BICD2: variants seen among roughly 807,000 people sequenced by gnomAD.
The protein encoded by BICD2 is BICD cargo adaptor 2.
BICD2 carries 25 observed loss-of-function variants against 72.9 expected under a neutral mutation model. The observed-to-expected ratio is 0.34, with a 90% CI of 0.25 to 0.48. The LOEUF is 0.48. Among genes scored for constraint, BICD2 ranks in the 20% least tolerant of loss-of-function variants. The pLI, the probability that BICD2 is intolerant of heterozygous loss-of-function variation, is 0.99. For missense variants in BICD2, 894 were observed against 1,175.2 expected (o/e 0.76, Z 3.50); for synonymous variants, 501 against 516.1 (o/e 0.97, Z 0.40).
intron 1 of BICD2, among the ~76,000 whole-genome samples, chr9:92,748,654 T>C (rs1481666006): frequency 6.6e-6 from 1 of 152,072 alleles, no homozygotes; most frequent in East Asian, 1.9e-4. Flanking sequence ...CTCAGCCAGC[T>C]CTTCCCATCC....
At chr9:92,753,920 G>A (rs1048961562) in intron 1 of BICD2, among the ~76,000 whole-genome samples, 15 of 151,510 alleles carry the variant, frequency 9.9e-5, no homozygotes, top group East Asian at 3.9e-4. Flanking sequence ...TGAGACAGGC[G>A]GATCACGAGG....
rs1331269686 is a variant in BICD2 at position 92,719,513 on chromosome 9, C to A, written c.1132G>T (p.Gly378Cys). 1.9e-6 allele frequency: 3 copies of A among 1,613,538 alleles called. No individual in the cohort carries two copies. Among genetic ancestry groups the A allele is most frequent in the African/African-American group, 1.3e-5 (1 of 74,956 alleles). ...DTQKQLEHTRGSLSEQQEKVT... is the reference protein window; with the variant it reads ...DTQKQLEHTRCSLSEQQEKVT... ...TTCTCCTGCTGTTCTGACAGGGAGC[C>A]CCGCGTGTGCTCCAGCTGCTTCTGT... Residue 378 changes from glycine (G) to cysteine (C), a missense_variant, in exon 5 of 7, where the codon GGC becomes TGC. Transcript: ENST00000356884.
intron 1 of BICD2, among the ~76,000 whole-genome samples, chr9:92,751,220 G>A (rs867772569): frequency 2.0e-5 from 3 of 150,972 alleles, no homozygotes; most frequent in South Asian, 2.1e-4. Context: ...GTACAATCTC[G>A]GCTCACTGCA....
At chr9:92,744,923 G>GC (rs1853978198) in intron 1 of BICD2, among the ~76,000 whole-genome samples, 1 of 152,052 alleles carries the variant, frequency 6.6e-6, no homozygotes, top group African/African-American at 2.4e-5. Flanking sequence ...ATACACACAT[G>GC]CACTTAAAAT....
rs193293678 is a variant in BICD2, at chr9:92,749,948, G to A, written c.240+14557C>T. On this transcript the variant is annotated intron_variant, in intron 1 of 6. Coordinates refer to ENST00000356884, the MANE Select transcript of BICD2 (RefSeq NM_001003800.2). The stretch of plus-strand genomic sequence containing the variant: ...GGAGGATGGCACAGTGGGCACAGCA[G>A]TCTGGGCCAGGCTGGGCTGAAAGCC... Among the ~76,000 whole-genome samples the A allele has an allele frequency of 2.2e-3, 337 of 152,382 alleles. 4 individuals carry two copies. Among genetic ancestry groups the A allele is most frequent in the Non-Finnish European group, 2.9e-4 (20 of 68,038 alleles).
chr9:92,759,453 C>T (rs1238528559), intron 1 of BICD2, among the ~76,000 whole-genome samples: 1 of 152,212 alleles, frequency 6.6e-6, no homozygotes, highest in African/African-American at 2.4e-5. Context: ...GTGACCTCCT[C>T]CTAACCCTAA....
rs1400779760 is a variant in BICD2 at position 92,720,547 on chromosome 9, TAGA to T, written c.812_814del (p.Phe271del). On this transcript the variant is annotated inframe_deletion, in exon 4 of 7. Coordinates refer to ENST00000356884, the MANE Select transcript of BICD2 (RefSeq NM_001003800.2). The surrounding 1 kb of genome is among the most constrained non-coding windows in gnomAD (Gnocchi z 5.4). Reference sequence around the variant, plus strand: ...CAGCGAGACATGCAGGTGGCTGGTGTAGAAGGAGTCATTGATGCTCATGTAGTG... The same window carrying T: ...CAGCGAGACATGCAGGTGGCTGGTGTAGGAGTCATTGATGCTCATGTAGTG... 4 of 1,614,172 alleles carry T rather than the reference TAGA, an allele frequency of 2.5e-6. No homozygotes were observed. Among genetic ancestry groups the T allele is most frequent in the Non-Finnish European group, 2.5e-6 (3 of 1,180,028 alleles).
At chr9:92,722,260 CAGACA>C (rs1853477976) in intron 3 of BICD2, among the ~76,000 whole-genome samples, 1 of 152,168 alleles carries the variant, frequency 6.6e-6, no homozygotes, top group South Asian at 2.1e-4. Flanking sequence ...ATCCCCGTCA[CAGACA>C]GAGAGGACCT....
chr9:92,731,672 G>A (rs534121858), intron 1 of BICD2, among the ~76,000 whole-genome samples: 1 of 152,172 alleles, frequency 6.6e-6, no homozygotes, highest in African/African-American at 2.4e-5. Flanking sequence ...CTGTCAAGGA[G>A]GGACTGGAAG....
chr9:92,720,979 C>T lies in BICD2; in HGVS notation c.607-224G>A, dbSNP rs775359859. On this transcript the variant is annotated intron_variant, in intron 3 of 6. Coordinates refer to ENST00000356884, the MANE Select transcript of BICD2 (RefSeq NM_001003800.2). This position sits in a 1 kb window ranked among gnomAD's most constrained non-coding sequence, Gnocchi z 5.4. ...TAAGAAGGTTCCAGGGCATGAGATG[C>T]GAATGCAATGAAATGCTCAGCCCAG... 6.6e-6 allele frequency among the ~76,000 whole-genome samples: 1 copy of T among 152,184 alleles called. No homozygotes were observed. The highest frequency in any genetic ancestry group is 1.5e-5 in the Non-Finnish European group (1 of 68,044).
intron 1 of BICD2, among the ~76,000 whole-genome samples, chr9:92,760,093 A>T (rs1854340813): frequency 6.6e-6 from 1 of 152,156 alleles, no homozygotes; most frequent in South Asian, 2.1e-4. Context: ...CCAGGGCCGC[A>T]AGCTCCTGGG....
At chr9:92,729,823 C>T (rs923154986) in intron 1 of BICD2, among the ~76,000 whole-genome samples, 1 of 152,234 alleles carries the variant, frequency 6.6e-6, no homozygotes, top group Non-Finnish European at 1.5e-5. Flanking sequence ...AAGATACCAG[C>T]ATGTTCCAGA....
Position 92,713,350 on chromosome 9 carries a change from G to T in BICD2, c.*1804C>A. On this transcript the variant is annotated 3_prime_UTR_variant, in exon 7 of 7. Transcript: ENST00000356884. ...AGTGGCATATCCAAAAAGTTTCTAA[G>T]TGGGCTTTTAGGTTGCCCTTCCTTC... 7.8e-7 allele frequency: 1 copy of T among 1,282,164 alleles called. No homozygotes were observed. Among genetic ancestry groups the T allele is most frequent in the Non-Finnish European group, 1.1e-6 (1 of 911,434 alleles). The allele number at this position is 1,282,164 out of a possible 1,614,324, so 79.4% of individuals were successfully genotyped here.
intron 1 of BICD2, among the ~76,000 whole-genome samples, chr9:92,747,536 G>A (rs538384880): frequency 3.9e-5 from 6 of 152,264 alleles, no homozygotes; most frequent in African/African-American, 1.4e-4. Flanking sequence ...CAGACTCACC[G>A]GGCAGGATGG....
intron 6 of BICD2, among the ~76,000 whole-genome samples, chr9:92,716,152 A>C (rs1020825203): frequency 5.9e-5 from 9 of 152,056 alleles, no homozygotes. Flanking sequence ...CTGTGCAGGC[A>C]CTGAGCACAG....
intron 1 of BICD2, among the ~76,000 whole-genome samples, chr9:92,731,071 C>T (rs2131512177): frequency 6.6e-6 from 1 of 152,328 alleles, no homozygotes; most frequent in Admixed American, 6.5e-5. Flanking sequence ...TGCAGGCTCC[C>T]CACCCAAGTG....
chr9:92,733,738 C>T (rs754606015), intron 1 of BICD2, among the ~76,000 whole-genome samples: 41 of 152,186 alleles, frequency 2.7e-4, no homozygotes, highest in Non-Finnish European at 5.3e-4. Context: ...GAGGCCGAGG[C>T]GGGCAGATCA....
chr9:92,722,536 G>C (rs1296446726), intron 3 of BICD2, 120 bp downstream of exon 3: 8 of 1,354,234 alleles, frequency 5.9e-6, no homozygotes, highest in Non-Finnish European at 8.1e-6. Flanking sequence ...GCTGGCCCTG[G>C]GCCTCGGGTG....
chr9:92,717,665 G>A (rs1301226677), intron 6 of BICD2, 132 bp downstream of exon 6: 22 of 1,219,714 alleles, frequency 1.8e-5, no homozygotes, highest in Non-Finnish European at 2.2e-5. Context: ...CCCTGATGGA[G>A]CTGGGCACAG....
Sources: gnomAD v4.1 joint callset for allele counts (sites outside exome capture counted in the v4.1 genomes callset) on GRCh38, gnomAD v4.1.1 for gene constraint, Gnocchi (gnomAD v3.1) non-coding constraint, MANE v1.5 for transcripts, NCBI Gene and HGNC (gene_info 2026-07-23, HGNC 2026-07-21) for gene names.